The following DOCK2 variants were observed in gnomAD, a reference collection of about 807,000 sequenced individuals.
DOCK2 encodes dedicator of cytokinesis 2.
In DOCK2, 87 loss-of-function variants were observed where a neutral mutation model predicts 248.9. The observed-to-expected ratio is 0.35, with a 90% confidence interval of 0.29 to 0.42. The LOEUF is 0.42. Ranked by LOEUF, DOCK2 falls within the 10% of genes least tolerant of loss-of-function variation. The pLI, the probability that DOCK2 is intolerant of heterozygous loss-of-function variation, is 1.00. For missense variants in DOCK2, 1,747 were observed against 2,300.2 expected (o/e 0.76, Z 4.92); for synonymous variants, 805 against 821.6 (o/e 0.98, Z 0.35).
chr5:169,876,895 C>G (rs1166193006), intron 27 of DOCK2, among the ~76,000 whole-genome samples: 1 of 152,184 alleles, frequency 6.6e-6, no homozygotes, highest in Non-Finnish European at 1.5e-5. Context: ...TAATAAGAAC[C>G]TACTGAGCAC....
intron 1 of DOCK2, among the ~76,000 whole-genome samples, chr5:169,647,661 G>C (rs1040020505): frequency 1.3e-5 from 2 of 151,980 alleles, no homozygotes; most frequent in Non-Finnish European, 2.9e-5. Flanking sequence ...CATCAAGCTG[G>C]TTTCCCCCCT....
intron 27 of DOCK2, among the ~76,000 whole-genome samples, chr5:169,847,868 T>C (rs1770404603): frequency 6.6e-6 from 1 of 152,250 alleles, no homozygotes; most frequent in Admixed American, 6.5e-5. Flanking sequence ...CTTGCAAATA[T>C]TATGTATTTA....
chr5:169,897,833 C>T (rs1169348834), intron 27 of DOCK2, among the ~76,000 whole-genome samples: 1 of 152,162 alleles, frequency 6.6e-6, no homozygotes, highest in Non-Finnish European at 1.5e-5. Flanking sequence ...CTTTAATTTT[C>T]TCCAGGTCTA....
At chr5:169,992,958 C>T (rs186868719) in intron 29 of DOCK2, among the ~76,000 whole-genome samples, 92 of 152,250 alleles carry the variant, frequency 6.0e-4, no homozygotes, top group Non-Finnish European at 3.4e-4. Flanking sequence ...AATCAATTCG[C>T]GGTCATTAGG....
intron 25 of DOCK2, among the ~76,000 whole-genome samples, chr5:169,800,490 A>G (rs1766899244): frequency 6.6e-6 from 1 of 152,200 alleles, no homozygotes; most frequent in African/African-American, 2.4e-5. Flanking sequence ...TTCAGCTCTC[A>G]TGGAGCTTAA....
chr5:169,825,537 G>A (rs1388500601), intron 26 of DOCK2, among the ~76,000 whole-genome samples: 5 of 146,950 alleles, frequency 3.4e-5, no homozygotes, highest in South Asian at 2.2e-4. Context: ...ACCAAACACC[G>A]CATGTTCTCA....
chr5:170,047,899 T>C (rs1295043825), intron 40 of DOCK2, among the ~76,000 whole-genome samples: 2 of 152,160 alleles, frequency 1.3e-5, no homozygotes, highest in Non-Finnish European at 2.9e-5. Flanking sequence ...TGGAGGATGT[T>C]TGCTGGCAGA....
rs1404921092 is a variant in DOCK2, at chr5:169,714,462, G to A, written c.1941+5G>A. On this transcript the variant is annotated splice_donor_5th_base_variant and intron_variant, in intron 19 of 51. Coordinates refer to ENST00000520908, the MANE Select transcript of DOCK2 (RefSeq NM_004946.3). ...GATGGAGAGGAAGTGGTGAAGGTCAGTGGGGCTTCATTTTGATTGTATTCT... is the reference window on the plus strand; with the variant it reads ...GATGGAGAGGAAGTGGTGAAGGTCAATGGGGCTTCATTTTGATTGTATTCT... 1.9e-6 allele frequency: 3 copies of A among 1,613,816 alleles called. No homozygotes were observed. Among genetic ancestry groups the A allele is most frequent in the Non-Finnish European group, 2.5e-6 (3 of 1,179,818 alleles).
intron 26 of DOCK2, among the ~76,000 whole-genome samples, chr5:169,806,488 G>A (rs1767369436): frequency 6.6e-6 from 1 of 152,046 alleles, no homozygotes; most frequent in Non-Finnish European, 1.5e-5. Flanking sequence ...GTAGGAAGAT[G>A]GGGTGGGTCC....
chr5:169,778,462 TTC>T (rs1043217991), intron 25 of DOCK2, among the ~76,000 whole-genome samples: 1 of 152,212 alleles, frequency 6.6e-6, no homozygotes, highest in African/African-American at 2.4e-5. Flanking sequence ...TATTGCACTC[TTC>T]TCTCTTTTAC....
At position 169,656,435 on chromosome 5, in the gene DOCK2, C is replaced by T. The variant is rs566060202; in HGVS notation, c.127+1949C>T. Among the ~76,000 whole-genome samples the T allele has an allele frequency of 1.6e-4, 24 of 152,004 alleles. 1 individual carries two copies. Among genetic ancestry groups the T allele is most frequent in the East Asian group, 9.7e-4 (5 of 5,162 alleles). ...GCCTCCCAGATTCAACTGATTCTTG[C>T]GCCTCAGCCTCATTCGTAGCTGGGA... On this transcript the variant is annotated intron_variant, in intron 2 of 51. Coordinates refer to ENST00000520908, the MANE Select transcript of DOCK2 (RefSeq NM_004946.3).
chr5:170,047,905 G>A (rs1445797203), intron 40 of DOCK2, among the ~76,000 whole-genome samples: 2 of 152,174 alleles, frequency 1.3e-5, no homozygotes, highest in Non-Finnish European at 2.9e-5. Context: ...ATGTTTGCTG[G>A]CAGAGATTTG....
intron 2 of DOCK2, among the ~76,000 whole-genome samples, chr5:169,663,731 A>T (rs1053975490): frequency 1.3e-5 from 2 of 152,204 alleles, no homozygotes; most frequent in African/African-American, 2.4e-5. Context: ...CAGGGTGCCA[A>T]GTCCTGAGGC....
chr5:169,834,862 C>T (rs1359194863), intron 26 of DOCK2, among the ~76,000 whole-genome samples: 3 of 152,168 alleles, frequency 2.0e-5, no homozygotes. Context: ...TGAAAACAAG[C>T]AAACAGAAGC....
intron 9 of DOCK2, among the ~76,000 whole-genome samples, chr5:169,690,571 CAT>C (rs905518672): frequency 6.6e-6 from 1 of 152,110 alleles, no homozygotes; most frequent in African/African-American, 2.4e-5. Flanking sequence ...GTTTTCTTGG[CAT>C]ATATAGATGT....
intron 27 of DOCK2, among the ~76,000 whole-genome samples, chr5:169,905,700 C>T (rs1327598143): frequency 6.6e-6 from 1 of 152,132 alleles, no homozygotes; most frequent in African/African-American, 2.4e-5. Context: ...TACAGCACCT[C>T]TGGGAGGGGC....
At chr5:169,781,424 G>A (rs1417338531) in intron 25 of DOCK2, among the ~76,000 whole-genome samples, 1 of 152,116 alleles carries the variant, frequency 6.6e-6, no homozygotes, top group Non-Finnish European at 1.5e-5. Context: ...AACCTCTCTG[G>A]GCTTCATTTC....
chr5:169,900,578 G>A (rs906223951), intron 27 of DOCK2, among the ~76,000 whole-genome samples: 2 of 152,124 alleles, frequency 1.3e-5, no homozygotes, highest in African/African-American at 2.4e-5. Context: ...CCTAAATGTC[G>A]AGTCTCTCTC....
Position 169,927,724 on chromosome 5 carries a change from C to T in DOCK2, c.2800-55344C>T, listed in dbSNP as rs1775537835. 2.0e-5 allele frequency among the ~76,000 whole-genome samples: 3 copies of T among 152,250 alleles called. 1 individual carries two copies. The South Asian group carries it at 6.2e-4, about 31-fold the overall frequency. Reference sequence around the variant, plus strand: ...CTCCGCTTCCCGAGTTCATGCCATTCTCCTGCCTCAGCCTCCCGAGTAGCT... The same window carrying T: ...CTCCGCTTCCCGAGTTCATGCCATTTTCCTGCCTCAGCCTCCCGAGTAGCT... On this transcript the variant is annotated intron_variant, in intron 27 of 51. Coordinates refer to ENST00000520908, the MANE Select transcript of DOCK2 (RefSeq NM_004946.3).
Sources: gnomAD v4.1 joint callset for allele counts (sites outside exome capture counted in the v4.1 genomes callset) on GRCh38, gnomAD v4.1.1 for gene constraint, MANE v1.5 for transcripts, NCBI Gene and HGNC (gene_info 2026-07-23, HGNC 2026-07-21) for gene names.